The following CMSS1 variants were observed in gnomAD, a reference collection of about 807,000 sequenced individuals.
CMSS1 encodes protein CMSS1.
CMSS1 carries 33 observed loss-of-function variants against 43.5 expected under a neutral mutation model. The observed-to-expected ratio is 0.76, with a 90% CI of 0.57 to 1.01. The LOEUF is 1.01. CMSS1 is among the 50% of genes least tolerant of loss of function. The probability of loss-of-function intolerance (pLI) is 0.00; values close to 1 mark genes in which losing one functional copy is unlikely to be tolerated. For synonymous variants in CMSS1, 115 were observed against 117.2 expected (o/e 0.98, Z 0.12); for missense variants, 313 against 326.4 (o/e 0.96, Z 0.32).
intron 1 of CMSS1, among the ~76,000 whole-genome samples, chr3:100,118,934 A>C (rs366974): frequency 6.6e-6 from 1 of 152,174 alleles, no homozygotes; most frequent in Non-Finnish European, 1.5e-5. Flanking sequence ...TAAAGAAGGG[A>C]AATATCAAGA....
intron 1 of CMSS1, among the ~76,000 whole-genome samples, chr3:100,048,295 A>T (rs952864942): frequency 6.6e-5 from 10 of 152,232 alleles, no homozygotes; most frequent in Non-Finnish European, 1.3e-4. Flanking sequence ...TAATTTGGTT[A>T]TGCTTTAGTC....
intron 1 of CMSS1, among the ~76,000 whole-genome samples, chr3:99,916,431 G>T (rs1490914921): frequency 1.6e-5 from 2 of 128,092 alleles, no homozygotes; most frequent in African/African-American, 3.2e-5. Context: ...TTATAATAAC[G>T]GTTTATACAC....
intron 1 of CMSS1, among the ~76,000 whole-genome samples, chr3:99,900,956 G>A (rs1239770964): frequency 6.6e-6 from 1 of 152,202 alleles, no homozygotes; most frequent in Non-Finnish European, 1.5e-5. Context: ...AGTAGGATCT[G>A]GACCCTGGAG....
intron 1 of CMSS1, among the ~76,000 whole-genome samples, chr3:99,872,673 G>A (rs560174142): frequency 9.5e-4 from 145 of 152,084 alleles, no homozygotes; most frequent in Middle Eastern, 3.4e-3. Context: ...GAAATGTGAG[G>A]ACGGTCAGAC....
chr3:99,832,877 T>A (rs1942741925), intron 1 of CMSS1, among the ~76,000 whole-genome samples: 1 of 148,900 alleles, frequency 6.7e-6, no homozygotes, highest in Non-Finnish European at 1.5e-5. Context: ...TTTTTTTTTC[T>A]TGTATGACTT....
chr3:99,991,642 C>G (rs1709512785), intron 1 of CMSS1, among the ~76,000 whole-genome samples: 1 of 151,910 alleles, frequency 6.6e-6, no homozygotes, highest in African/African-American at 2.4e-5. Flanking sequence ...GTCTGTTATT[C>G]TACTCTGTAT....
chr3:99,841,768 C>T (rs1231380025), intron 1 of CMSS1, among the ~76,000 whole-genome samples: 1 of 152,122 alleles, frequency 6.6e-6, no homozygotes, highest in Non-Finnish European at 1.5e-5. Context: ...AAATGCAAAT[C>T]AAAACCACAG....
chr3:100,092,758 G>A (rs1421568639), intron 1 of CMSS1, among the ~76,000 whole-genome samples: 1 of 150,986 alleles, frequency 6.6e-6, no homozygotes, highest in Non-Finnish European at 1.5e-5. Flanking sequence ...TTGTCCTCAT[G>A]TCTTATCTCC....
chr3:100,053,689 A>G (rs550651688), intron 1 of CMSS1, among the ~76,000 whole-genome samples: 1 of 152,284 alleles, frequency 6.6e-6, no homozygotes, highest in Non-Finnish European at 1.5e-5. Flanking sequence ...ACATTCTCTC[A>G]TTTCTCTGAG....
At chr3:99,827,342 C>T (rs780801696) in intron 1 of CMSS1, among the ~76,000 whole-genome samples, 3 of 152,020 alleles carry the variant, frequency 2.0e-5, no homozygotes, top group Non-Finnish European at 4.4e-5. Context: ...CAGCCATGCA[C>T]CACCAAGCCC....
chr3:99,894,671 T>G (rs941548037), intron 1 of CMSS1, among the ~76,000 whole-genome samples: 1 of 152,164 alleles, frequency 6.6e-6, no homozygotes, highest in Non-Finnish European at 1.5e-5. Context: ...TATTTCCTCA[T>G]AAAAACGATA....
intron 1 of CMSS1, among the ~76,000 whole-genome samples, chr3:100,136,100 CA>C (rs1221596124): frequency 6.6e-6 from 1 of 152,072 alleles, no homozygotes; most frequent in African/African-American, 2.4e-5. Flanking sequence ...TTCAGAATGA[CA>C]AGAAAACTTC....
intron 1 of CMSS1, among the ~76,000 whole-genome samples, chr3:99,934,478 A>C (rs1414087635): frequency 6.6e-6 from 1 of 152,162 alleles, no homozygotes; most frequent in South Asian, 2.1e-4. Flanking sequence ...TCTTGCCCAC[A>C]TAGTCCTGTG....
At chr3:100,027,921 G>A (rs2064956503) in intron 1 of CMSS1, among the ~76,000 whole-genome samples, 1 of 152,148 alleles carries the variant, frequency 6.6e-6, no homozygotes, top group Non-Finnish European at 1.5e-5. Context: ...ATGTTGGAGA[G>A]TAGACAGGGC....
At chr3:100,176,167 G>C in intron 8 of CMSS1, 160 bp from the exon 9 acceptor site, 2 of 556,814 alleles carry the variant, frequency 3.6e-6, no homozygotes, top group Non-Finnish European at 6.4e-6. Flanking sequence ...TGCTGCATTT[G>C]TTTTCCATCA....
intron 1 of CMSS1, among the ~76,000 whole-genome samples, chr3:99,955,075 A>T (rs1372037311): frequency 6.6e-6 from 1 of 152,208 alleles, no homozygotes; most frequent in Non-Finnish European, 1.5e-5. Flanking sequence ...AAATTAGATC[A>T]AGTGCTGGGT....
At chr3:99,962,855 C>T (rs963262401) in intron 1 of CMSS1, among the ~76,000 whole-genome samples, 2 of 152,136 alleles carry the variant, frequency 1.3e-5, no homozygotes, top group African/African-American at 2.4e-5. Context: ...TCTGAGGGTG[C>T]CTTAAGACAA....
At chr3:100,077,509 T>C (rs1274546179) in intron 1 of CMSS1, among the ~76,000 whole-genome samples, 1 of 152,094 alleles carries the variant, frequency 6.6e-6, no homozygotes, top group Admixed American at 6.5e-5. Context: ...ATAAGGAGGA[T>C]TTAAGGAAAT....
chr3:99,833,298 G>T, intron 1 of CMSS1: 2 of 1,565,014 alleles, frequency 1.3e-6, no homozygotes, highest in South Asian at 2.2e-5. Context: ...TAAATTTGTG[G>T]AATATATTAA....
Sources: allele counts gnomAD v4.1 joint callset (sites outside exome capture counted in the v4.1 genomes callset), GRCh38; gene constraint gnomAD v4.1.1; transcripts MANE v1.5; gene names NCBI Gene and HGNC (gene_info 2026-07-23, HGNC 2026-07-21).